DLC1: variants seen among roughly 807,000 people sequenced by gnomAD.
DLC1 encodes the protein DLC1 Rho GTPase activating protein, also known as rho GTPase-activating protein 7.
Under a neutral mutation model 140.3 loss-of-function variants are expected in DLC1, and 54 were observed. The ratio of observed to expected loss-of-function variants is 0.38; its 90% CI spans 0.31 to 0.48. The LOEUF is 0.48. Among genes scored for constraint, DLC1 ranks in the 20% least tolerant of loss-of-function variants. The probability of loss-of-function intolerance (pLI) is 0.96; values close to 1 mark genes in which losing one functional copy is unlikely to be tolerated. For missense variants in DLC1, 2,536 were observed against 1,907.0 expected, an observed-to-expected ratio of 1.33 and a Z score of -6.14; for synonymous variants, 986 against 728.1, an observed-to-expected ratio of 1.35 and a Z score of -5.70.
intron 1 of DLC1, chr8:13,566,813 A>T: frequency 1.3e-6 from 1 of 757,626 alleles, no homozygotes; most frequent in Non-Finnish European, 2.0e-6. Flanking sequence ...CATGGTGGCC[A>T]GTCACTGCGC....
At chr8:13,270,754 G>T (rs1214703764) in intron 5 of DLC1, among the ~76,000 whole-genome samples, 1 of 151,676 alleles carries the variant, frequency 6.6e-6, no homozygotes, top group Non-Finnish European at 1.5e-5. Flanking sequence ...TTTTGGACTG[G>T]TTGAACCACT....
At chr8:13,274,013 A>T (rs1831060614) in intron 5 of DLC1, among the ~76,000 whole-genome samples, 1 of 152,166 alleles carries the variant, frequency 6.6e-6, no homozygotes, top group South Asian at 2.1e-4. Context: ...TAATTTCACA[A>T]CATAAAGAAA....
Position 13,092,655 on chromosome 8 carries a change from G to T in DLC1, c.3697C>A (p.Leu1233Ile). 1.2e-6 allele frequency: 2 copies of T among 1,614,184 alleles called. No homozygotes were observed. Among genetic ancestry groups the T allele is most frequent in the Non-Finnish European group, 1.7e-6 (2 of 1,180,030 alleles). ...TNLAVCLAPS[L>I]FHLNTLKREN... ...CTCTTCAGGGTGTTGAGATGGAAGA[G>T]GGAAGGCGCTAAGCACACGGCCAGG... The change falls in exon 13 of 18, where the codon CTC (leucine) becomes ATC (isoleucine). Residue 1233 changes from leucine to isoleucine, a missense_variant. Physicochemically the swap from Leu to Ile is conservative, Grantham distance 5. Coordinates refer to ENST00000276297, the MANE Select transcript of DLC1 (RefSeq NM_182643.3).
At position 13,426,667 on chromosome 8, in the gene DLC1, A is replaced by G. The variant is rs138369891; in HGVS notation, c.1024-25048T>C. On this transcript the variant is annotated intron_variant, in intron 2 of 17. Coordinates refer to ENST00000276297, the MANE Select transcript of DLC1 (RefSeq NM_182643.3). Reference sequence around the variant, plus strand: ...ACAATTGAGACTTAGTAGGGGCAACATAGATTTAGAAATCAGTCCTTCTTC... The same window carrying G: ...ACAATTGAGACTTAGTAGGGGCAACGTAGATTTAGAAATCAGTCCTTCTTC... 1.2e-4 allele frequency among the ~76,000 whole-genome samples: 18 copies of G among 152,286 alleles called. No individual in the cohort carries two copies. The East Asian group carries it at 3.5e-3, about 29-fold the overall frequency.
intron 5 of DLC1, among the ~76,000 whole-genome samples, chr8:13,267,342 T>A (rs1358434861): frequency 6.6e-6 from 1 of 151,972 alleles, no homozygotes; most frequent in African/African-American, 2.4e-5. Context: ...CTGCCAGATG[T>A]TTATGTTGGT....
intron 2 of DLC1, among the ~76,000 whole-genome samples, chr8:13,445,903 C>G (rs895253298): frequency 6.6e-6 from 1 of 151,886 alleles, no homozygotes; most frequent in African/African-American, 2.4e-5. Context: ...ACCCTTGGGC[C>G]CAAATCTAGT....
chr8:13,155,569 TAAATA>T (rs2128980992), intron 5 of DLC1, among the ~76,000 whole-genome samples: 1 of 152,256 alleles, frequency 6.6e-6, no homozygotes, highest in South Asian at 2.1e-4. Flanking sequence ...TGCTTTTAGT[TAAATA>T]AAACTTAAAT....
chr8:13,095,409 T>A, intron 10 of DLC1, 164 bp from the exon 11 acceptor site: 2 of 799,992 alleles, frequency 2.5e-6, no homozygotes, highest in South Asian at 1.8e-5. Context: ...TCCCCAGTGG[T>A]ACTGGCCACA....
At position 13,115,574 on chromosome 8, in the gene DLC1, T is replaced by C. The variant is rs758995117; in HGVS notation, c.1420+12A>G. 5 of 1,611,086 alleles carry C rather than the reference T, an allele frequency of 3.1e-6. No homozygotes were observed. Among genetic ancestry groups the C allele is most frequent in the Non-Finnish European group, 4.2e-6 (5 of 1,178,816 alleles). On this transcript the variant is annotated intron_variant, in intron 6 of 17. Coordinates refer to ENST00000276297, the MANE Select transcript of DLC1 (RefSeq NM_182643.3). ...TTATGCCAACTTTTAAAAAGTGGCA[T>C]TCCCAGCTTACCTTCATAAAGCTGT... is the stretch of plus-strand genomic sequence containing the variant.
intron 5 of DLC1, among the ~76,000 whole-genome samples, chr8:13,121,172 T>G (rs1821025913): frequency 6.6e-6 from 1 of 152,288 alleles, no homozygotes; most frequent in East Asian, 1.9e-4. Context: ...CCCTAAAATT[T>G]GATAGACATA....
chr8:13,457,336 T>C (rs1174758039), intron 2 of DLC1, among the ~76,000 whole-genome samples: 1 of 152,156 alleles, frequency 6.6e-6, no homozygotes, highest in Non-Finnish European at 1.5e-5. Context: ...TATGTTATAT[T>C]ATTGGTAATG....
chr8:13,548,644 CAT>C (rs1186441916), intron 1 of DLC1, among the ~76,000 whole-genome samples: 3 of 152,016 alleles, frequency 2.0e-5, no homozygotes, highest in African/African-American at 7.2e-5. Flanking sequence ...GATCAGCTCT[CAT>C]ATGGATTTGG....
At chr8:13,296,931 G>A (rs971294711) in intron 5 of DLC1, among the ~76,000 whole-genome samples, 1 of 151,896 alleles carries the variant, frequency 6.6e-6, no homozygotes, top group Non-Finnish European at 1.5e-5. Flanking sequence ...ATATAATTGA[G>A]AGGAAAAGAA....
At chr8:13,371,669 T>C (rs958679674) in intron 4 of DLC1, among the ~76,000 whole-genome samples, 4 of 152,154 alleles carry the variant, frequency 2.6e-5, no homozygotes, top group Non-Finnish European at 5.9e-5. Flanking sequence ...AATAAATATT[T>C]TTTGAGCACC....
At chr8:13,173,846 A>C (rs1302857837) in intron 5 of DLC1, among the ~76,000 whole-genome samples, 1 of 152,142 alleles carries the variant, frequency 6.6e-6, no homozygotes, top group Non-Finnish European at 1.5e-5. Context: ...TAATTAGTCC[A>C]TTTTTTATTT....
intron 4 of DLC1, among the ~76,000 whole-genome samples, chr8:13,333,458 T>A (rs1729104): frequency 0.86 from 130,004 of 151,918 alleles, 56,048 homozygotes; most frequent in East Asian, 0.95. Flanking sequence ...TGTTTTGTCC[T>A]GGTTGGCCTT....
intron 5 of DLC1, among the ~76,000 whole-genome samples, chr8:13,169,431 G>C (rs956552973): frequency 4.6e-5 from 7 of 152,174 alleles, no homozygotes; most frequent in Admixed American, 1.3e-4. Context: ...TTTATCATTT[G>C]TAACTTTAGA....
At position 13,091,571 on chromosome 8, in the gene DLC1, T is replaced by C. The variant is rs892129696; in HGVS notation, c.3741-139A>G. On this transcript the variant is annotated intron_variant, in intron 13 of 17. Coordinates refer to ENST00000276297, the MANE Select transcript of DLC1 (RefSeq NM_182643.3). The stretch of plus-strand genomic sequence containing the variant: ...TTTATTGTTAAGTGGATTAAGAGTG[T>C]TTTTACTTTGGTCACCAGAGTATCT... 6.0e-6 allele frequency: 4 copies of C among 661,984 alleles called. No individual in the cohort carries two copies. The Admixed American group carries it at 9.1e-5, about 15-fold the overall frequency. 41.0% of individuals were successfully genotyped at this position (661,984 alleles called of 1,614,324 possible).
intron 5 of DLC1, among the ~76,000 whole-genome samples, chr8:13,131,976 C>G (rs1279858099): frequency 6.6e-6 from 1 of 152,168 alleles, no homozygotes; most frequent in African/African-American, 2.4e-5. Flanking sequence ...GGATCAAAGG[C>G]TCGCCCCAGG....
Sources: gnomAD v4.1 joint callset for allele counts (sites outside exome capture counted in the v4.1 genomes callset) on GRCh38, gnomAD v4.1.1 for gene constraint, MANE v1.5 for transcripts, NCBI Gene and HGNC (gene_info 2026-07-23, HGNC 2026-07-21) for gene names.